PREX2: variants seen among roughly 807,000 people sequenced by gnomAD.
PREX2 encodes the protein phosphatidylinositol 3,4,5-trisphosphate-dependent Rac exchanger 2 protein.
Under a neutral mutation model 203.2 loss-of-function variants are expected in PREX2, and 107 were observed. The ratio of observed to expected loss-of-function variants is 0.53; its 90% CI spans 0.45 to 0.62. PREX2 has a LOEUF of 0.62. PREX2 is among the 20% of genes least tolerant of loss of function. PREX2 has a pLI of 0.00. For missense variants in PREX2, 1,777 were observed against 1,955.9 expected (o/e 0.91, Z 1.72); for synonymous variants, 672 against 663.6 (o/e 1.01, Z -0.19).
Position 68,198,028 on chromosome 8 carries a change from C to T in PREX2, c.4604+5503C>T, listed in dbSNP as rs560705571. Among the ~76,000 whole-genome samples the T allele has an allele frequency of 4.6e-5, 7 of 151,956 alleles. No individual in the cohort carries two copies. The South Asian group carries it at 1.2e-3, about 27-fold the overall frequency. ...TTTCCATTAATCTAAAAGAAAAAAG[C>T]CAAACGCTTAGATAAAATCACTGTG... On this transcript the variant is annotated intron_variant, in intron 37 of 39. Transcript: ENST00000288368.
intron 23 of PREX2, 155 bp from the exon 24 acceptor site, chr8:68,107,954 A>G (rs1563549375): frequency 1.7e-6 from 1 of 595,512 alleles, no homozygotes; most frequent in Middle Eastern, 4.4e-4. Flanking sequence ...TTGAAATCAC[A>G]ATGGAATTTC....
intron 15 of PREX2, among the ~76,000 whole-genome samples, chr8:68,078,814 A>G (rs1364644880): frequency 1.3e-5 from 2 of 150,644 alleles, no homozygotes; most frequent in Non-Finnish European, 3.0e-5. Flanking sequence ...CAACACAGTA[A>G]TTTTATCTAA....
At chr8:68,085,472 C>T (rs187951984) in intron 18 of PREX2, among the ~76,000 whole-genome samples, 1 of 152,138 alleles carries the variant, frequency 6.6e-6, no homozygotes, top group Non-Finnish European at 1.5e-5. Context: ...AGTAGTATCC[C>T]ATTTTGAGGA....
intron 35 of PREX2, among the ~76,000 whole-genome samples, chr8:68,170,114 C>T (rs1343514169): frequency 6.6e-6 from 1 of 152,078 alleles, no homozygotes; most frequent in Non-Finnish European, 1.5e-5. Context: ...TGAATGGATG[C>T]ACTCAAGTCA....
Position 68,119,774 on chromosome 8 carries a change from A to AT in PREX2, c.3504+269dup, listed in dbSNP as rs113191686. Among the ~76,000 whole-genome samples, 712 of 151,046 alleles carry AT rather than the reference A, an allele frequency of 4.7e-3. 2 individuals carry two copies. The highest frequency in any genetic ancestry group is 9.5e-3 in the African/African-American group (391 of 41,190). On this transcript the variant is annotated intron_variant, in intron 28 of 39. Coordinates refer to ENST00000288368, the MANE Select transcript of PREX2 (RefSeq NM_024870.4). ...ACACATAGGAGTTACCCTTTTTAGT[A>AT]TTTTTTTTTGTTTTTTTGTTTTCAG...
chr8:68,054,388 C>A (rs1263287790), intron 9 of PREX2, among the ~76,000 whole-genome samples: 3 of 94,122 alleles, frequency 3.2e-5, no homozygotes, highest in African/African-American at 2.4e-4. Flanking sequence ...AAATAAAAAC[C>A]CCCAAACGAG....
intron 1 of PREX2, among the ~76,000 whole-genome samples, chr8:67,990,834 C>G (rs1388872931): frequency 6.6e-6 from 1 of 152,062 alleles, no homozygotes; most frequent in African/African-American, 2.4e-5. Flanking sequence ...TGATGTGCCG[C>G]CAGGGATAAG....
chr8:68,130,893 G>C (rs1484538797), intron 31 of PREX2, among the ~76,000 whole-genome samples: 1 of 152,164 alleles, frequency 6.6e-6, no homozygotes, highest in African/African-American at 2.4e-5. Flanking sequence ...ATTTCACAAG[G>C]GGAGATAATC....
chr8:68,122,313 C>T (rs1022509589), intron 30 of PREX2, among the ~76,000 whole-genome samples: 2 of 151,938 alleles, frequency 1.3e-5, no homozygotes, highest in East Asian at 1.9e-4. Context: ...GCGATAAAAT[C>T]GTGTATTTGA....
chr8:67,955,662 C>T (rs988233704), intron 1 of PREX2, among the ~76,000 whole-genome samples: 2 of 152,194 alleles, frequency 1.3e-5, no homozygotes, highest in Non-Finnish European at 2.9e-5. Context: ...CAGGGACATA[C>T]CACCTTGTGT....
intron 37 of PREX2, among the ~76,000 whole-genome samples, chr8:68,199,316 TG>T (rs1205033681): frequency 6.6e-6 from 1 of 152,226 alleles, no homozygotes; most frequent in East Asian, 1.9e-4. Context: ...TACTTGAATA[TG>T]TAGTAGAAGT....
At chr8:68,057,148 G>A (rs1330990070) in intron 10 of PREX2, among the ~76,000 whole-genome samples, 1 of 152,128 alleles carries the variant, frequency 6.6e-6, no homozygotes, top group Non-Finnish European at 1.5e-5. Flanking sequence ...ATGATGGTGA[G>A]TGAATTCTCA....
At chr8:67,992,553 A>G (rs1241284797) in intron 1 of PREX2, among the ~76,000 whole-genome samples, 2 of 152,178 alleles carry the variant, frequency 1.3e-5, no homozygotes, top group Admixed American at 6.5e-5. Flanking sequence ...AAGTGAGACT[A>G]AGGAATTATA....
chr8:68,012,225 A>T (rs375503967), intron 1 of PREX2, among the ~76,000 whole-genome samples: 4 of 152,200 alleles, frequency 2.6e-5, no homozygotes, highest in African/African-American at 9.7e-5. Flanking sequence ...ATACACTATA[A>T]CAATGTGGTA....
At position 68,178,384 on chromosome 8, in the gene PREX2, G is replaced by A. The variant is rs1370608437; in HGVS notation, c.4347-13338G>A. ...TTTATCTAATGATCAGTGATGTTGA[G>A]CTTTTTTTCATAGGCTTGTTGTCCA... On this transcript the variant is annotated intron_variant, in intron 35 of 39. Coordinates refer to ENST00000288368, the MANE Select transcript of PREX2 (RefSeq NM_024870.4). Among the ~76,000 whole-genome samples the A allele has an allele frequency of 3.3e-5, 5 of 152,020 alleles. No individual in the cohort carries two copies. In the East Asian group the frequency reaches 9.6e-4, roughly 29 times the overall value.
chr8:68,087,665 T>C, intron 18 of PREX2, 59 bp from the exon 19 acceptor site: 1 of 1,210,138 alleles, frequency 8.3e-7, no homozygotes, highest in South Asian at 1.2e-5. Flanking sequence ...TACACGACGA[T>C]TATTTCAACC....
At chr8:68,009,637 A>G (rs1257578760) in intron 1 of PREX2, among the ~76,000 whole-genome samples, 1 of 152,234 alleles carries the variant, frequency 6.6e-6, no homozygotes, top group Admixed American at 6.5e-5. Context: ...TACCAGAAAA[A>G]TGGTGGGATA....
chr8:68,093,659 C>A lies in PREX2; in HGVS notation c.2305C>A (p.Gln769Lys), dbSNP rs1809962517. Reference sequence around the variant, plus strand: ...CATTGAGAGTGCTCAAGAAGACCTTCAAAAATCTCACTCCAAGCCCCCTGG... The same window carrying A: ...CATTGAGAGTGCTCAAGAAGACCTTAAAAAATCTCACTCCAAGCCCCCTGG... ...NSIESAQEDL[Q>K]KSHSKPPGDE... The change falls in exon 21 of 40, where the codon CAA becomes AAA. Residue 769 changes from glutamine (Q) to lysine (K), a missense_variant. Gln to Lys is a moderately conservative substitution (Grantham distance 53). Coordinates refer to ENST00000288368, the MANE Select transcript of PREX2 (RefSeq NM_024870.4). The A allele has an allele frequency of 8.7e-6, 14 of 1,611,962 alleles. No homozygotes were observed. Among genetic ancestry groups the A allele is most frequent in the Non-Finnish European group, 1.2e-5 (14 of 1,178,312 alleles).
At chr8:68,133,836 GA>G (rs1277254906) in intron 31 of PREX2, among the ~76,000 whole-genome samples, 6 of 152,074 alleles carry the variant, frequency 3.9e-5, no homozygotes, top group African/African-American at 7.2e-5. Flanking sequence ...TATTGATTAG[GA>G]AAAAATATTT....
Sources: allele counts gnomAD v4.1 joint callset (sites outside exome capture counted in the v4.1 genomes callset), GRCh38; gene constraint gnomAD v4.1.1; transcripts MANE v1.5; gene names NCBI Gene and HGNC (gene_info 2026-07-23, HGNC 2026-07-21).